The following IMMP2L variants were observed in gnomAD, a reference collection of about 807,000 sequenced individuals.
IMMP2L encodes the protein inner mitochondrial membrane peptidase subunit 2, also known as mitochondrial inner membrane protease subunit 2.
IMMP2L carries 18 observed loss-of-function variants against 19.3 expected under a neutral mutation model. The observed-to-expected ratio is 0.93, with a 90% CI of 0.64 to 1.38. IMMP2L has a LOEUF of 1.38. Among genes scored for constraint, IMMP2L ranks in the 40% most tolerant of loss-of-function variants. The pLI is 0.00. For missense variants in IMMP2L, 233 were observed against 218.2 expected (o/e 1.07, Z -0.43); for synonymous variants, 76 against 73.0 (o/e 1.04, Z -0.21).
intron 4 of IMMP2L, among the ~76,000 whole-genome samples, chr7:110,906,634 C>T (rs1812481675): frequency 6.6e-6 from 1 of 151,966 alleles, no homozygotes; most frequent in South Asian, 2.1e-4. Context: ...GTTTGAATGC[C>T]ACCTCTCTGC....
intron 5 of IMMP2L, among the ~76,000 whole-genome samples, chr7:110,836,121 T>C (rs1447074402): frequency 2.6e-5 from 4 of 152,218 alleles, no homozygotes; most frequent in South Asian, 2.1e-4. Context: ...TTTGTAAACA[T>C]GTGACCTGGT....
intron 3 of IMMP2L, among the ~76,000 whole-genome samples, chr7:111,226,336 T>G (rs1487782760): frequency 6.6e-6 from 1 of 151,948 alleles, no homozygotes; most frequent in Non-Finnish European, 1.5e-5. Context: ...ATTTTACTAT[T>G]TTATTTTTTT....
At chr7:110,830,956 A>T (rs948567454) in intron 5 of IMMP2L, among the ~76,000 whole-genome samples, 1 of 152,192 alleles carries the variant, frequency 6.6e-6, no homozygotes, top group Admixed American at 6.5e-5. Context: ...ACAGTTCAGT[A>T]GGTCAGAAGT....
intron 2 of IMMP2L, among the ~76,000 whole-genome samples, chr7:111,514,922 T>C (rs915476953): frequency 6.6e-6 from 1 of 152,086 alleles, no homozygotes; most frequent in Non-Finnish European, 1.5e-5. Context: ...GCACAAGTGA[T>C]ATAAGTAGTG....
Position 111,123,567 on chromosome 7 carries a change from G to A in IMMP2L, c.240-160002C>T. 1 of 1,613,402 alleles carries A rather than the reference G, an allele frequency of 6.2e-7. No individual in the cohort carries two copies. The highest frequency in any genetic ancestry group is 8.5e-7 in the Non-Finnish European group (1 of 1,179,708). ...AAAAAGTTGTAAATCTCAAATTTTT[G>A]GATCTAAATAAAAATCCTATTAATA... is the stretch of plus-strand genomic sequence containing the variant. On this transcript the variant is annotated intron_variant, in intron 3 of 5. Coordinates refer to ENST00000405709, the MANE Select transcript of IMMP2L (RefSeq NM_032549.4). The surrounding 1 kb of genome is among the most constrained non-coding windows in gnomAD (Gnocchi z 6.4).
At chr7:110,863,894 A>G (rs1807711472) in intron 5 of IMMP2L, among the ~76,000 whole-genome samples, 1 of 152,092 alleles carries the variant, frequency 6.6e-6, no homozygotes, top group African/African-American at 2.4e-5. Flanking sequence ...GATAAGCCCA[A>G]TATCAATGGG....
At chr7:111,207,772 G>A (rs1252910810) in intron 3 of IMMP2L, among the ~76,000 whole-genome samples, 1 of 151,940 alleles carries the variant, frequency 6.6e-6, no homozygotes. Context: ...CTGATCTCGT[G>A]ATCTGCCCTC....
chr7:111,377,246 A>T (rs1830752529), intron 3 of IMMP2L, among the ~76,000 whole-genome samples: 1 of 151,766 alleles, frequency 6.6e-6, no homozygotes. Context: ...TTCATATGTA[A>T]ATATATATAT....
chr7:110,814,607 C>A (rs767455759), intron 5 of IMMP2L, among the ~76,000 whole-genome samples: 9 of 149,272 alleles, frequency 6.0e-5, no homozygotes, highest in Non-Finnish European at 1.2e-4. Flanking sequence ...TTCTTTTTTT[C>A]TTCTATTTCT....
At position 111,562,250 on chromosome 7, in the gene IMMP2L, G is replaced by T. The variant is rs1420782702; in HGVS notation, c.-402C>A. ...CGCCGCACGCGCCTCAGATAAACAC[G>T]CGCACGCACACATGCTCGCGATCAC... is the stretch of plus-strand genomic sequence containing the variant. On this transcript the variant is annotated 5_prime_UTR_variant, in exon 1 of 6. Transcript: ENST00000405709. 2 of 152,118 alleles carry T rather than the reference G, an allele frequency of 1.3e-5. No homozygotes were observed. Among genetic ancestry groups the T allele is most frequent in the Admixed American group, 6.5e-5 (1 of 15,278 alleles). The allele number at this position is 152,118 out of a possible 1,614,324, so 9.4% of individuals were successfully genotyped here. A position where few individuals can be genotyped will look rare whatever the true frequency, so the allele number is the denominator to read the frequency against.
chr7:110,665,987 T>TA (rs35071661), intron 5 of IMMP2L, among the ~76,000 whole-genome samples: 390 of 151,390 alleles, frequency 2.6e-3, no homozygotes, highest in African/African-American at 5.5e-3. Flanking sequence ...ATTGTTCTCT[T>TA]AAAAAAAAAG....
chr7:110,757,765 C>T lies in IMMP2L; in HGVS notation c.409-94044G>A, dbSNP rs1284240712. ...GTTAAATCTTTCTTAAATTTTTCTACTTTGAGTTTGTCATCTGTGTTTTGT... is the reference window on the plus strand; with the variant it reads ...GTTAAATCTTTCTTAAATTTTTCTATTTTGAGTTTGTCATCTGTGTTTTGT... On this transcript the variant is annotated intron_variant, in intron 5 of 5. Transcript: ENST00000405709. The surrounding 1 kb of genome is among the most constrained non-coding windows in gnomAD (Gnocchi z 4.2). Among the ~76,000 whole-genome samples the T allele has an allele frequency of 6.6e-6, 1 of 152,060 alleles. No homozygotes were observed. The highest frequency in any genetic ancestry group is 6.6e-5 in the Admixed American group (1 of 15,228).
intron 3 of IMMP2L, among the ~76,000 whole-genome samples, chr7:111,162,618 T>C (rs1235320815): frequency 1.3e-5 from 2 of 151,818 alleles, no homozygotes; most frequent in African/African-American, 2.4e-5. Flanking sequence ...CAAGGAGGAT[T>C]CCAGATTTTG....
chr7:111,120,978 G>A (rs1800535291), intron 3 of IMMP2L, among the ~76,000 whole-genome samples: 1 of 150,268 alleles, frequency 6.7e-6, no homozygotes, highest in African/African-American at 2.4e-5. Context: ...TTTAAAAGTT[G>A]TTTTCCTTTT....
At chr7:111,334,686 T>G (rs1217933489) in intron 3 of IMMP2L, among the ~76,000 whole-genome samples, 3 of 152,242 alleles carry the variant, frequency 2.0e-5, no homozygotes, top group African/African-American at 7.2e-5. Context: ...CATCCTTTTT[T>G]CAACTTGGTC....
At chr7:110,675,940 A>T (rs1029249289) in intron 5 of IMMP2L, among the ~76,000 whole-genome samples, 1 of 152,144 alleles carries the variant, frequency 6.6e-6, no homozygotes, top group African/African-American at 2.4e-5. Context: ...ACATTTATTG[A>T]CTATTGTTAT....
At chr7:111,539,713 A>T (rs1848350834) in intron 1 of IMMP2L, among the ~76,000 whole-genome samples, 1 of 152,066 alleles carries the variant, frequency 6.6e-6, no homozygotes, top group Admixed American at 6.5e-5. Flanking sequence ...AATAAAAGAA[A>T]AAAAGAAAAA....
At chr7:111,058,015 G>T (rs927043954) in intron 3 of IMMP2L, among the ~76,000 whole-genome samples, 2 of 152,072 alleles carry the variant, frequency 1.3e-5, no homozygotes, top group African/African-American at 4.8e-5. Context: ...ATCTTCAGCA[G>T]CTCTCTTCCC....
intron 5 of IMMP2L, among the ~76,000 whole-genome samples, chr7:110,832,242 A>C (rs1311094180): frequency 6.6e-6 from 1 of 151,904 alleles, no homozygotes; most frequent in Non-Finnish European, 1.5e-5. Flanking sequence ...GCCTGGGGAC[A>C]GAGCAAGACT....
Sources: gnomAD v4.1 joint callset for allele counts (sites outside exome capture counted in the v4.1 genomes callset) on GRCh38, gnomAD v4.1.1 for gene constraint, Gnocchi (gnomAD v3.1) non-coding constraint, MANE v1.5 for transcripts, NCBI Gene and HGNC (gene_info 2026-07-23, HGNC 2026-07-21) for gene names.